KCNH2: variants seen among roughly 807,000 people sequenced by gnomAD.
The protein encoded by KCNH2 is voltage-gated inwardly rectifying potassium channel KCNH2.
A neutral mutation model predicts 95.9 loss-of-function variants in KCNH2; 35 were observed. The observed-to-expected ratio is 0.37, with a 90% confidence interval of 0.28 to 0.48. KCNH2 has a LOEUF of 0.48. Ranked by LOEUF, KCNH2 falls within the 20% of genes least tolerant of loss-of-function variation. KCNH2 has a pLI of 0.99. For synonymous variants in KCNH2, 786 were observed against 754.7 expected (o/e 1.04, Z -0.68); for missense variants, 1,274 against 1,702.9 (o/e 0.75, Z 4.43).
rs748821862 is a variant in KCNH2 at position 150,948,488 on chromosome 7, C to T, written c.2648G>A (p.Arg883Gln). The T allele has an allele frequency of 1.5e-5, 24 of 1,613,000 alleles. 1 individual carries two copies. The highest frequency in any genetic ancestry group is 1.4e-4 in the South Asian group (13 of 91,066). The change falls in exon 11 of 15, where the codon CGG becomes CAG. Residue 883 changes from arginine (R) to glutamine (Q), a missense_variant. By Grantham distance (43) the Arg-to-Gln change is conservative. This residue lies in a region of KCNH2 where 457 missense variants were observed against 416.1 expected (regional missense o/e 1.10). Transcript: ENST00000262186. Reference protein sequence around the residue: ...GSTELEGGFSRQRKRKLSFRR... With the variant: ...GSTELEGGFSQQRKRKLSFRR... ...GAAGGACAACTTGCGCTTGCGTTGCCGACTGAAGCCACCCTCTAACTCCGT... is the reference window on the plus strand; with the variant it reads ...GAAGGACAACTTGCGCTTGCGTTGCTGACTGAAGCCACCCTCTAACTCCGT...
In KCNH2 at chr7:150,965,331, C is replaced by T. The variant is rs2117031957; in HGVS notation, c.308-5595G>A. Among the ~76,000 whole-genome samples the T allele has an allele frequency of 1.3e-5, 2 of 152,268 alleles. 1 individual carries two copies. Among genetic ancestry groups the T allele is most frequent in the South Asian group, 4.1e-4 (2 of 4,820 alleles). On this transcript the variant is annotated intron_variant, in intron 2 of 14. Transcript: ENST00000262186. ...ATGTGGCATGCCTGAGCCATCTCTG[C>T]CCCGGACCACAGCAATGCCTCAGAA...
rs1191509308 is a variant in KCNH2 at position 150,952,382 on chromosome 7, G to A, written c.1557+43C>T. ...CCCACTACCTCCCACCACATTCCTG[G>A]CCTCTCCTCTCCCTACACCACCTGC... is the stretch of plus-strand genomic sequence containing the variant. On this transcript the variant is annotated intron_variant, in intron 6 of 14. Coordinates refer to ENST00000262186, the MANE Select transcript of KCNH2 (RefSeq NM_000238.4). This position sits in a 1 kb window ranked among gnomAD's most constrained non-coding sequence, Gnocchi z 7.3. The A allele has an allele frequency of 6.3e-7, 1 of 1,588,072 alleles. No homozygotes were observed. The highest frequency in any genetic ancestry group is 1.7e-5 in the Admixed American group (1 of 57,924).
In KCNH2 at chr7:150,974,946, G is replaced by A. The variant is rs72549419; in HGVS notation, c.77-5C>T. 24 of 1,589,298 alleles carry A rather than the reference G, an allele frequency of 1.5e-5. No homozygotes were observed. The highest frequency in any genetic ancestry group is 1.7e-4 in the Middle Eastern group (1 of 5,998). ...TGGCGATGATGAACTTACGGCCTAG[G>A]GGGGCGGGGAGGAGAGTGCGCGTGA... On this transcript the variant is annotated splice_region_variant and splice_polypyrimidine_tract_variant and intron_variant, in intron 1 of 14. Coordinates refer to ENST00000262186, the MANE Select transcript of KCNH2 (RefSeq NM_000238.4).
At chr7:150,949,084 C>CGGG (rs759473545) in intron 9 of KCNH2, 35 bp from the exon 10 acceptor site, 2 of 1,587,312 alleles carry the variant, frequency 1.3e-6, no homozygotes, top group Non-Finnish European at 1.7e-6. Context: ...AGCTCAGCCC[C>CGGG]GGGGGGCGGC....
intron 2 of KCNH2, among the ~76,000 whole-genome samples, chr7:150,972,177 A>G (rs1801857283): frequency 6.6e-6 from 1 of 152,240 alleles, no homozygotes; most frequent in Non-Finnish European, 1.5e-5. Context: ...CCAGGCCCTG[A>G]CACTGCGCAG....
chr7:150,977,781 G>C lies in KCNH2; in HGVS notation c.76+57C>G, dbSNP rs1198930633. 9.7e-6 allele frequency: 12 copies of C among 1,236,992 alleles called. No homozygotes were observed. The South Asian group carries it at 1.1e-4, about 11-fold the overall frequency. 76.6% of individuals were successfully genotyped at this position (1,236,992 alleles called of 1,614,324 possible). A position where few individuals can be genotyped will look rare whatever the true frequency, so the allele number is the denominator to read the frequency against. On this transcript the variant is annotated intron_variant, in intron 1 of 14. Transcript: ENST00000262186. ...GGGCACGCCCCCCCATCCACACTCG[G>C]AAGAGCTCGGCCCGCCCCCAGAGCC...
At position 150,952,300 on chromosome 7, in the gene KCNH2, C is replaced by CTT; in HGVS notation, c.1557+123_1557+124dup. 5 of 1,090,924 alleles carry CTT rather than the reference C, an allele frequency of 4.6e-6. No individual in the cohort carries two copies. In the Admixed American group the frequency reaches 6.0e-5, roughly 13 times the overall value. 67.6% of individuals were successfully genotyped at this position (1,090,924 alleles called of 1,614,324 possible). On this transcript the variant is annotated intron_variant, in intron 6 of 14. Coordinates refer to ENST00000262186, the MANE Select transcript of KCNH2 (RefSeq NM_000238.4). The surrounding 1 kb of genome is among the most constrained non-coding windows in gnomAD (Gnocchi z 7.3). ...TGCCACCATGTCTCTCTCCCACTGTCTTTCTCTCTTTCTCTCTCTCTCTCT... is the reference window on the plus strand; with the variant it reads ...TGCCACCATGTCTCTCTCCCACTGTCTTTTTCTCTCTTTCTCTCTCTCTCTCT...
At chr7:150,954,156 G>A (rs1801283753) in intron 5 of KCNH2, among the ~76,000 whole-genome samples, 1 of 152,156 alleles carries the variant, frequency 6.6e-6, no homozygotes, top group Admixed American at 6.5e-5. Flanking sequence ...GGGAACACAT[G>A]GACAGGCTCA....
In KCNH2 at chr7:150,977,890, G is replaced by A. The variant is rs1375800908; in HGVS notation, c.24C>T (p.Val8=). The A allele has an allele frequency of 1.2e-6, 2 of 1,603,844 alleles. No individual in the cohort carries two copies. MPVRRGH[V]APQNTFLDTI... The stretch of plus-strand genomic sequence containing the variant: ...TGTCCAGGAAGGTGTTCTGCGGCGC[G>A]ACGTGGCCCCTCCGCACCGGCATCC... The change falls in exon 1 of 15, where the codon GTC becomes GTT. Residue 8 remains valine, a synonymous_variant. Coordinates refer to ENST00000262186, the MANE Select transcript of KCNH2 (RefSeq NM_000238.4).
intron 1 of KCNH2, among the ~76,000 whole-genome samples, chr7:150,975,716 A>G: frequency 6.6e-6 from 1 of 152,248 alleles, no homozygotes; most frequent in East Asian, 1.9e-4. Flanking sequence ...TGTAAATGAT[A>G]GAGCCAGCTT....
At chr7:150,957,257 A>G in intron 5 of KCNH2, 34 bp downstream of exon 5, 1 of 1,524,380 alleles carries the variant, frequency 6.6e-7, no homozygotes, top group South Asian at 1.2e-5. Flanking sequence ...AGCTCCTCCA[A>G]GGTGAGAGGA....
Position 150,952,311 on chromosome 7 carries a change from TC to T in KCNH2, c.1557+113del. 1.1e-6 allele frequency: 1 copy of T among 926,812 alleles called. No homozygotes were observed. Among genetic ancestry groups the T allele is most frequent in the Non-Finnish European group, 1.6e-6 (1 of 610,442 alleles). The allele number at this position is 926,812 out of a possible 1,614,324, so 57.4% of individuals were successfully genotyped here. A position where few individuals can be genotyped will look rare whatever the true frequency, so the allele number is the denominator to read the frequency against. On this transcript the variant is annotated intron_variant, in intron 6 of 14. Coordinates refer to ENST00000262186, the MANE Select transcript of KCNH2 (RefSeq NM_000238.4). The surrounding 1 kb of genome is among the most constrained non-coding windows in gnomAD (Gnocchi z 7.3). ...CTCTCTCCCACTGTCTTTCTCTCTT[TC>T]TCTCTCTCTCTCTTTTTCTCTGTCC...
intron 5 of KCNH2, among the ~76,000 whole-genome samples, chr7:150,956,298 G>C (rs1801374382): frequency 6.6e-6 from 1 of 152,206 alleles, no homozygotes; most frequent in Non-Finnish European, 1.5e-5. Context: ...GTCAAGGCCA[G>C]TGGGCTGGAG....
intron 5 of KCNH2, 68 bp downstream of exon 5, chr7:150,957,223 C>T: frequency 2.2e-6 from 3 of 1,339,672 alleles, no homozygotes; most frequent in Non-Finnish European, 2.1e-6. Flanking sequence ...CTCTGGATCA[C>T]AGCCCACTCC....
At chr7:150,949,863 C>T (rs972692137) in intron 9 of KCNH2, 24 of 1,324,208 alleles carry the variant, frequency 1.8e-5, no homozygotes, top group Non-Finnish European at 2.4e-5. Flanking sequence ...AGCATTTCTT[C>T]CTCTACTGCC....
At chr7:150,970,583 C>A (rs1271427439) in intron 2 of KCNH2, among the ~76,000 whole-genome samples, 1 of 152,164 alleles carries the variant, frequency 6.6e-6, no homozygotes. Flanking sequence ...CCCGTGGAGC[C>A]CCTCCAACAG....
intron 9 of KCNH2, 159 bp downstream of exon 9, chr7:150,950,009 C>T: frequency 1.3e-6 from 2 of 1,567,286 alleles, no homozygotes; most frequent in Non-Finnish European, 1.7e-6. Flanking sequence ...CTCTCCATGG[C>T]CCCGCTTGGA....
intron 1 of KCNH2, among the ~76,000 whole-genome samples, chr7:150,977,621 C>G (rs1413994822): frequency 6.6e-6 from 1 of 152,092 alleles, no homozygotes; most frequent in Non-Finnish European, 1.5e-5. Context: ...AGTTTCCCGC[C>G]CCAAGCCCCA....
rs1584866229 is a variant in KCNH2 at position 150,958,409 on chromosome 7, C to A, written c.566G>T (p.Gly189Val). The change falls in exon 4 of 15, where the codon GGC becomes GTC. Residue 189 changes from glycine to valine, a missense_variant. Gly to Val is a moderately radical substitution (Grantham distance 109). Around this residue, in one of 7 missense-constraint regions of KCNH2, gnomAD observed 392 missense variants for 429.9 expected, o/e 0.91. Transcript: ENST00000262186. ...SVRSGGAGGA[G>V]APGAVVVDVD... ...GTCCACCACCACGGCCCCCGGGGCGCCCGCGCCGCCCGCGCCGCCCGACCG... is the reference window on the plus strand; with the variant it reads ...GTCCACCACCACGGCCCCCGGGGCGACCGCGCCGCCCGCGCCGCCCGACCG... The A allele has an allele frequency of 1.4e-6, 2 of 1,429,838 alleles. No individual in the cohort carries two copies. The highest frequency in any genetic ancestry group is 1.5e-5 in the African/African-American group (1 of 65,696). The allele number at this position is 1,429,838 out of a possible 1,614,324, so 88.6% of individuals were successfully genotyped here. A position where few individuals can be genotyped will look rare whatever the true frequency, so the allele number is the denominator to read the frequency against.
Sources: allele counts gnomAD v4.1 joint callset (sites outside exome capture counted in the v4.1 genomes callset), GRCh38; gene constraint gnomAD v4.1.1; regional missense constraint gnomAD v4.1.1; non-coding constraint Gnocchi (gnomAD v3.1); transcripts MANE v1.5; gene names NCBI Gene and HGNC (gene_info 2026-07-23, HGNC 2026-07-21).